The following COL4A2 variants were observed in gnomAD, a reference collection of about 807,000 sequenced individuals.
The protein encoded by COL4A2 is collagen type IV alpha 2 chain, also known as collagen alpha-2(IV) chain.
COL4A2 carries 99 observed loss-of-function variants against 200.2 expected under a neutral mutation model. The observed-to-expected ratio is 0.49, with a 90% CI of 0.42 to 0.58. The LOEUF (loss-of-function observed/expected upper bound fraction) is 0.58, where lower values mean the gene tolerates loss of function less well. Among genes scored for constraint, COL4A2 ranks in the 20% least tolerant of loss-of-function variants. COL4A2 has a pLI of 0.00. For missense variants in COL4A2, 1,950 were observed against 2,314.1 expected (o/e 0.84, Z 3.23); for synonymous variants, 897 against 900.6 (o/e 1.00, Z 0.07).
intron 3 of COL4A2, among the ~76,000 whole-genome samples, chr13:110,329,375 G>A (rs564592312): frequency 2.3e-4 from 35 of 152,348 alleles, no homozygotes; most frequent in Admixed American, 5.9e-4. Flanking sequence ...TGGTTCTGGA[G>A]CTGGAGAAGG....
intron 29 of COL4A2, among the ~76,000 whole-genome samples, chr13:110,476,542 T>C (rs1165546678): frequency 6.6e-6 from 1 of 152,084 alleles, no homozygotes; most frequent in African/African-American, 2.4e-5. Context: ...ACTGACCGGG[T>C]CCCTTTTGTC....
chr13:110,470,106 G>T (rs1238209191), intron 28 of COL4A2, among the ~76,000 whole-genome samples: 1 of 151,848 alleles, frequency 6.6e-6, no homozygotes, highest in Non-Finnish European at 1.5e-5. Context: ...GTAGAGACGG[G>T]GATTTCACCA....
intron 4 of COL4A2, among the ~76,000 whole-genome samples, chr13:110,400,094 T>C (rs1879318931): frequency 1.3e-5 from 2 of 152,246 alleles, no homozygotes; most frequent in Non-Finnish European, 2.9e-5. Context: ...TGCTGACTGC[T>C]TCTGCAACCT....
chr13:110,325,097 G>T (rs963259456), intron 3 of COL4A2, among the ~76,000 whole-genome samples: 1 of 152,206 alleles, frequency 6.6e-6, no homozygotes, highest in East Asian at 1.9e-4. Flanking sequence ...GAAAACGTCT[G>T]CGTCCCCACA....
intron 31 of COL4A2, among the ~76,000 whole-genome samples, chr13:110,482,114 G>T (rs1322101905): frequency 2.0e-5 from 3 of 152,226 alleles, no homozygotes; most frequent in Non-Finnish European, 4.4e-5. Flanking sequence ...GGCGACATTG[G>T]TCTGACTTTC....
intron 22 of COL4A2, 79 bp downstream of exon 22, chr13:110,459,013 T>G: frequency 9.6e-6 from 13 of 1,360,052 alleles, no homozygotes; most frequent in South Asian, 1.5e-5. Context: ...TTTTATCTCC[T>G]AAGTTTACAC....
At chr13:110,482,470 C>T in intron 31 of COL4A2, 46 bp from the exon 32 acceptor site, 1 of 1,583,144 alleles carries the variant, frequency 6.3e-7, no homozygotes, top group Non-Finnish European at 8.7e-7. Flanking sequence ...ATGTCCCATG[C>T]ATTTTATTCA....
chr13:110,431,006 C>G (rs1880659982), intron 10 of COL4A2: 1 of 410,924 alleles, frequency 2.4e-6, no homozygotes, highest in Non-Finnish European at 4.8e-6. Flanking sequence ...CATATCACAC[C>G]TGGGCTCATT....
chr13:110,320,870 A>C (rs1207512518), intron 3 of COL4A2, among the ~76,000 whole-genome samples: 1 of 152,170 alleles, frequency 6.6e-6, no homozygotes, highest in Non-Finnish European at 1.5e-5. Flanking sequence ...TTTTGCCTTC[A>C]TGTTGATTTT....
chr13:110,473,257 A>G (rs1368458612), intron 29 of COL4A2, 107 bp downstream of exon 29: 9 of 1,075,076 alleles, frequency 8.4e-6, no homozygotes, highest in Admixed American at 2.6e-5. Context: ...GCGGTGCCCT[A>G]TAGTGCTAGC....
intron 38 of COL4A2, 86 bp from the exon 39 acceptor site, chr13:110,493,122 CGAT>C: frequency 7.7e-7 from 1 of 1,301,274 alleles, no homozygotes; most frequent in South Asian, 1.3e-5. Flanking sequence ...GGTGAAATAA[CGAT>C]GAGTGACACC....
At chr13:110,441,117 A>C (rs1455270850) in intron 16 of COL4A2, among the ~76,000 whole-genome samples, 3 of 152,214 alleles carry the variant, frequency 2.0e-5, no homozygotes, top group African/African-American at 7.2e-5. Context: ...TCCATCACTC[A>C]GTCCTAGTAG....
intron 10 of COL4A2, 41 bp downstream of exon 10, chr13:110,430,648 C>T (rs2088952496): frequency 1.2e-6 from 2 of 1,613,648 alleles, no homozygotes; most frequent in African/African-American, 1.3e-5. Flanking sequence ...GGACCATCGT[C>T]CGGTCATCCC....
At chr13:110,500,761 G>T (rs1414493930) in intron 40 of COL4A2, among the ~76,000 whole-genome samples, 1 of 152,212 alleles carries the variant, frequency 6.6e-6, no homozygotes, top group Non-Finnish European at 1.5e-5. Flanking sequence ...CTGTGTAACG[G>T]CACCTTGTTT....
intron 47 of COL4A2, among the ~76,000 whole-genome samples, chr13:110,511,278 A>G (rs1884073830): frequency 1.3e-5 from 2 of 152,072 alleles, no homozygotes; most frequent in African/African-American, 4.8e-5. Flanking sequence ...GCCATCTCCC[A>G]GCCAGCCTCA....
chr13:110,374,388 A>T (rs1878148072), intron 4 of COL4A2, among the ~76,000 whole-genome samples: 1 of 152,194 alleles, frequency 6.6e-6, no homozygotes. Context: ...TCTGGGTATG[A>T]TGTTGCACCT....
intron 4 of COL4A2, among the ~76,000 whole-genome samples, chr13:110,415,746 T>C (rs1316322110): frequency 6.6e-6 from 1 of 152,230 alleles, no homozygotes; most frequent in Non-Finnish European, 1.5e-5. Flanking sequence ...GCGGCCTGCT[T>C]GCTCAACTCA....
In COL4A2 at chr13:110,392,456, G is replaced by T. The variant is rs1879024274; in HGVS notation, c.181-32278G>T. On this transcript the variant is annotated intron_variant, in intron 4 of 47. Transcript: ENST00000360467. ...GGAACCAGGAGCTGGGACCCTCGAG[G>T]GCAGTGGGAGGAGAGACGGTCACAG... Among the ~76,000 whole-genome samples, 2 of 152,260 alleles carry T rather than the reference G, an allele frequency of 1.3e-5. 1 individual carries two copies. The highest frequency in any genetic ancestry group is 6.8e-3 in the Middle Eastern group (2 of 294).
intron 4 of COL4A2, among the ~76,000 whole-genome samples, chr13:110,408,863 G>GCA (rs1879698772): frequency 1.6e-5 from 2 of 123,864 alleles, no homozygotes; most frequent in Admixed American, 7.9e-5. Flanking sequence ...ACACATACAC[G>GCA]CACATATACA....
Sources: gnomAD v4.1 joint callset for allele counts (sites outside exome capture counted in the v4.1 genomes callset) on GRCh38, gnomAD v4.1.1 for gene constraint, MANE v1.5 for transcripts, NCBI Gene and HGNC (gene_info 2026-07-23, HGNC 2026-07-21) for gene names.